FHIT: variants seen among roughly 807,000 people sequenced by gnomAD.
FHIT encodes the protein bis(5'-adenosyl)-triphosphatase.
Under a neutral mutation model 17.9 loss-of-function variants are expected in FHIT, and 19 were observed. That is an observed-to-expected ratio of 1.06 (90% confidence interval 0.74 to 1.56). FHIT has a LOEUF of 1.56. FHIT is among the 40% of genes most tolerant of loss of function. The probability of loss-of-function intolerance (pLI) is 0.00; values close to 1 mark genes in which losing one functional copy is unlikely to be tolerated. For synonymous variants in FHIT, 81 were observed against 69.7 expected, an observed-to-expected ratio of 1.16 and a Z score of -0.81; for missense variants, 248 against 189.2, an observed-to-expected ratio of 1.31 and a Z score of -1.82.
intron 3 of FHIT, among the ~76,000 whole-genome samples, chr3:60,869,647 A>G (rs946992738): frequency 3.3e-5 from 5 of 152,102 alleles, no homozygotes; most frequent in Admixed American, 3.3e-4. Context: ...TGTAGTAGCC[A>G]AATATGTTTC....
intron 3 of FHIT, among the ~76,000 whole-genome samples, chr3:60,919,937 G>A (rs6799902): frequency 0.6 from 90,675 of 151,754 alleles, 27,375 homozygotes; most frequent in East Asian, 0.73. Flanking sequence ...AGGAGGCTGA[G>A]GGAGGAGAGT....
chr3:59,947,723 A>C (rs903279840), intron 7 of FHIT, among the ~76,000 whole-genome samples: 1 of 152,130 alleles, frequency 6.6e-6, no homozygotes, highest in Non-Finnish European at 1.5e-5. Flanking sequence ...GGAGGGGCAT[A>C]GGTGTTCCCC....
intron 5 of FHIT, among the ~76,000 whole-genome samples, chr3:60,106,499 A>G (rs1704419316): frequency 6.6e-6 from 1 of 152,250 alleles, no homozygotes; most frequent in African/African-American, 2.4e-5. Context: ...AAAGGAAGAC[A>G]TGAACAGAAA....
At position 60,118,147 on chromosome 3, in the gene FHIT, C is replaced by T. The variant is rs190562411; in HGVS notation, c.104-103995G>A. Among the ~76,000 whole-genome samples the T allele has an allele frequency of 2.7e-3, 410 of 152,174 alleles. 2 individuals carry two copies. The highest frequency in any genetic ancestry group is 9.3e-3 in the African/African-American group (388 of 41,516). On this transcript the variant is annotated intron_variant, in intron 5 of 9. Coordinates refer to ENST00000492590, the MANE Select transcript of FHIT (RefSeq NM_002012.4). Reference sequence around the variant, plus strand: ...TTAGAGACAGGGTCTTGTTCTGTTGCCCAGGCTGGAGTGCAGTAGTGCAAT... The same window carrying T: ...TTAGAGACAGGGTCTTGTTCTGTTGTCCAGGCTGGAGTGCAGTAGTGCAAT...
At chr3:61,083,015 T>C (rs191645571) in intron 2 of FHIT, among the ~76,000 whole-genome samples, 99 of 152,244 alleles carry the variant, frequency 6.5e-4, no homozygotes, top group East Asian at 3.9e-3. Flanking sequence ...ATCTGAATAC[T>C]AGTCCTTTGC....
chr3:59,862,246 C>T (rs1443689349), intron 8 of FHIT, among the ~76,000 whole-genome samples: 2 of 152,200 alleles, frequency 1.3e-5, no homozygotes, highest in Non-Finnish European at 2.9e-5. Flanking sequence ...AGGCAAGAGG[C>T]CATGCGCAGG....
intron 5 of FHIT, among the ~76,000 whole-genome samples, chr3:60,308,901 A>T (rs1300733127): frequency 6.6e-6 from 1 of 152,168 alleles, no homozygotes; most frequent in African/African-American, 2.4e-5. Flanking sequence ...AATAGCTCTG[A>T]AATTATATAC....
chr3:60,978,455 T>A lies in FHIT; in HGVS notation c.-111+63592A>T, dbSNP rs566392877. 2.0e-5 allele frequency among the ~76,000 whole-genome samples: 3 copies of A among 152,302 alleles called. No individual in the cohort carries two copies. The South Asian group carries it at 6.2e-4, about 32-fold the overall frequency. ...AGTGGCCTATCCTGGGCCTTTTTCT[T>A]TACAGGTATTTCACTTGACTACTTC... On this transcript the variant is annotated intron_variant, in intron 3 of 9. Coordinates refer to ENST00000492590, the MANE Select transcript of FHIT (RefSeq NM_002012.4).
intron 5 of FHIT, among the ~76,000 whole-genome samples, chr3:60,407,438 T>C (rs1701907440): frequency 6.6e-6 from 1 of 152,192 alleles, no homozygotes; most frequent in Non-Finnish European, 1.5e-5. Context: ...TTAAGGAGGA[T>C]GCATGTAACT....
chr3:61,181,231 G>T (rs1159745701), intron 2 of FHIT, among the ~76,000 whole-genome samples: 1 of 151,964 alleles, frequency 6.6e-6, no homozygotes, highest in Non-Finnish European at 1.5e-5. Context: ...ACCAATAATG[G>T]CAATAATAGT....
At chr3:60,004,026 G>A (rs1015052664) in intron 7 of FHIT, among the ~76,000 whole-genome samples, 2 of 152,052 alleles carry the variant, frequency 1.3e-5, no homozygotes. Flanking sequence ...GCAGAGTAGT[G>A]CTCCTTCAAT....
chr3:60,506,988 T>TG (rs1358176881), intron 5 of FHIT, among the ~76,000 whole-genome samples: 2 of 152,028 alleles, frequency 1.3e-5, no homozygotes, highest in African/African-American at 4.8e-5. Flanking sequence ...GTTACTATAG[T>TG]GAAAAAAAAG....
At chr3:59,930,414 A>G (rs969507882) in intron 7 of FHIT, among the ~76,000 whole-genome samples, 1 of 152,296 alleles carries the variant, frequency 6.6e-6, no homozygotes, top group East Asian at 1.9e-4. Context: ...TCAAGTATTT[A>G]GTCTCCTTTT....
intron 3 of FHIT, among the ~76,000 whole-genome samples, chr3:60,984,788 GTGTGT>G (rs1710651255): frequency 6.0e-4 from 1 of 1,668 alleles, no homozygotes; most frequent in Non-Finnish European, 9.7e-4. Flanking sequence ...ATGAAGGGGT[GTGTGT>G]GTGTGTGTGT....
intron 2 of FHIT, among the ~76,000 whole-genome samples, chr3:61,049,767 C>T (rs1361584788): frequency 5.3e-5 from 8 of 152,060 alleles, no homozygotes; most frequent in Admixed American, 2.0e-4. Flanking sequence ...ACAGCAGAAG[C>T]GGGAAGGTCA....
chr3:60,925,028 G>A (rs1559834696), intron 3 of FHIT, among the ~76,000 whole-genome samples: 1 of 152,124 alleles, frequency 6.6e-6, no homozygotes, highest in Non-Finnish European at 1.5e-5. Context: ...AAAAAGAAAT[G>A]AACAAAGCCT....
chr3:60,796,002 G>A (rs1277155102), intron 4 of FHIT, among the ~76,000 whole-genome samples: 6 of 152,120 alleles, frequency 3.9e-5, no homozygotes, highest in African/African-American at 1.4e-4. Context: ...GAATCATGGC[G>A]GGAGGTGAAA....
At chr3:59,931,999 G>C (rs77904384) in intron 7 of FHIT, among the ~76,000 whole-genome samples, 2,542 of 152,236 alleles carry the variant, frequency 0.017, 74 homozygotes, top group African/African-American at 0.057. Flanking sequence ...ATAATGGAAT[G>C]TGATGCTATA....
At chr3:59,877,034 G>A (rs1304258868) in intron 8 of FHIT, among the ~76,000 whole-genome samples, 1 of 152,198 alleles carries the variant, frequency 6.6e-6, no homozygotes, top group African/African-American at 2.4e-5. Flanking sequence ...TAGATAGGAT[G>A]GCTATACTAC....
Sources: gnomAD v4.1 joint callset for allele counts (sites outside exome capture counted in the v4.1 genomes callset) on GRCh38, gnomAD v4.1.1 for gene constraint, MANE v1.5 for transcripts, NCBI Gene and HGNC (gene_info 2026-07-23, HGNC 2026-07-21) for gene names.